PFKL: variants seen among roughly 807,000 people sequenced by gnomAD.
The protein encoded by PFKL is phosphofructokinase, liver type.
A neutral mutation model predicts 92.1 loss-of-function variants in PFKL; 74 were observed. The observed-to-expected ratio is 0.80, with a 90% CI of 0.67 to 0.97. PFKL has a LOEUF of 0.97. PFKL is among the 50% of genes least tolerant of loss of function. PFKL has a pLI of 0.00. For missense variants in PFKL, 1,028 were observed against 1,116.6 expected, an observed-to-expected ratio of 0.92 and a Z score of 1.13; for synonymous variants, 494 against 456.4, an observed-to-expected ratio of 1.08 and a Z score of -1.05.
chr21:44,322,066 G>A, intron 13 of PFKL, 67 bp from the exon 14 acceptor site: 1 of 1,534,406 alleles, frequency 6.5e-7, no homozygotes. Context: ...CCGGGCACAG[G>A]CCCACCCCTG....
intron 11 of PFKL, 145 bp from the exon 12 acceptor site, chr21:44,319,939 C>A: frequency 1.4e-6 from 1 of 692,946 alleles, no homozygotes; most frequent in Admixed American, 2.1e-5. Context: ...CCCTGCCTGG[C>A]ATGCGCGGTG....
At chr21:44,310,528 C>T (rs2041085577) in intron 2 of PFKL, among the ~76,000 whole-genome samples, 1 of 152,218 alleles carries the variant, frequency 6.6e-6, no homozygotes, top group Non-Finnish European at 1.5e-5. Flanking sequence ...GGCCGCCACA[C>T]AGCAAGAGCA....
chr21:44,314,808 A>G (rs564622729), intron 7 of PFKL: 1 of 152,346 alleles, frequency 6.6e-6, no homozygotes, highest in East Asian at 1.9e-4. Context: ...TCCTTCGCCC[A>G]CACCCGACCA....
At chr21:44,306,271 C>A (rs1459363788) in intron 1 of PFKL, among the ~76,000 whole-genome samples, 2 of 152,166 alleles carry the variant, frequency 1.3e-5, no homozygotes, top group Non-Finnish European at 2.9e-5. Context: ...GTTCGGGACA[C>A]CCACACATGC....
At chr21:44,319,506 C>A in intron 11 of PFKL, 91 bp downstream of exon 11, 1 of 1,082,426 alleles carries the variant, frequency 9.2e-7, no homozygotes, top group Non-Finnish European at 1.4e-6. Context: ...CACGCCTGGC[C>A]TGGGTCATCC....
intron 3 of PFKL, 40 bp downstream of exon 3, chr21:44,311,123 C>T (rs554945102): frequency 5.3e-6 from 8 of 1,516,126 alleles, no homozygotes; most frequent in African/African-American, 4.1e-5. Context: ...CACTTGGACT[C>T]GCAGACAGAC....
intron 19 of PFKL, 74 bp from the exon 20 acceptor site, chr21:44,325,887 C>G: frequency 3.7e-6 from 4 of 1,085,548 alleles, no homozygotes; most frequent in Non-Finnish European, 5.5e-6. Flanking sequence ...CGTGGGGATC[C>G]TGTCTGCACT....
intron 9 of PFKL, among the ~76,000 whole-genome samples, chr21:44,318,137 G>A (rs916522959): frequency 3.3e-5 from 5 of 152,384 alleles, no homozygotes; most frequent in Non-Finnish European, 5.9e-5. Context: ...CCATCGCAGC[G>A]GATGGGGCCC....
At chr21:44,308,149 G>A (rs1190906082) in intron 2 of PFKL, among the ~76,000 whole-genome samples, 5 of 152,130 alleles carry the variant, frequency 3.3e-5, no homozygotes, top group East Asian at 3.9e-4. Context: ...GGGTGGGCGC[G>A]GGTCCTGGGG....
At chr21:44,302,187 A>T (rs936477162) in intron 1 of PFKL, among the ~76,000 whole-genome samples, 1 of 152,214 alleles carries the variant, frequency 6.6e-6, no homozygotes, top group African/African-American at 2.4e-5. Context: ...CTGCTGGCCG[A>T]TCATGGCATC....
chr21:44,306,624 G>GT (rs2040954911), intron 1 of PFKL, 57 bp from the exon 2 acceptor site: 1 of 1,495,608 alleles, frequency 6.7e-7, no homozygotes, highest in Non-Finnish European at 9.2e-7. Context: ...GATGGGGAGG[G>GT]TGTCCAGGGC....
chr21:44,322,734 C>T (rs2047389228), intron 14 of PFKL, among the ~76,000 whole-genome samples: 1 of 152,198 alleles, frequency 6.6e-6, no homozygotes, highest in Non-Finnish European at 1.5e-5. Context: ...GTGGGGGGTT[C>T]ACTCGGTTGC....
chr21:44,312,246 A>G lies in PFKL; in HGVS notation c.379A>G (p.Ile127Val). 2 of 1,599,464 alleles carry G rather than the reference A, an allele frequency of 1.3e-6. No homozygotes were observed. Among genetic ancestry groups the G allele is most frequent in the Non-Finnish European group, 1.7e-6 (2 of 1,173,920 alleles). Residue 127 changes from isoleucine (I) to valine (V), a missense_variant, in exon 4 of 22, where the codon ATC (isoleucine) becomes GTC (valine). Coordinates refer to ENST00000349048, the MANE Select transcript of PFKL (RefSeq NM_002626.6). ...GGATGGCAGCCTCACAGGTGCCAAC[A>G]TCTTCCGCAGCGAGTGGGGCAGCCT... ...GGDGSLTGAN[I>V]FRSEWGSLLE...
intron 5 of PFKL, 43 bp downstream of exon 5, chr21:44,313,186 C>T (rs201837834): frequency 2.5e-6 from 4 of 1,603,836 alleles, no homozygotes; most frequent in African/African-American, 2.7e-5. Context: ...GGCCCCTCCT[C>T]CCCGCACGGT....
chr21:44,302,071 C>T (rs2040790812), intron 1 of PFKL, among the ~76,000 whole-genome samples: 1 of 152,226 alleles, frequency 6.6e-6, no homozygotes, highest in South Asian at 2.1e-4. Flanking sequence ...GTGGGCCTCC[C>T]ATCTCTGTCT....
intron 19 of PFKL, 193 bp downstream of exon 19, chr21:44,325,457 C>T (rs907220768): frequency 6.8e-6 from 4 of 591,096 alleles, no homozygotes; most frequent in African/African-American, 5.7e-5. Context: ...AGGGGTGGGG[C>T]TGGGGCTGGA....
chr21:44,301,327 G>A (rs1182576365), intron 1 of PFKL, among the ~76,000 whole-genome samples: 1 of 152,220 alleles, frequency 6.6e-6, no homozygotes, highest in Non-Finnish European at 1.5e-5. Context: ...TGTGGCAAGA[G>A]CGGGAGCTGC....
At position 44,324,526 on chromosome 21, in the gene PFKL, C is replaced by T; in HGVS notation, c.1686C>T (p.Thr562=). 6.2e-7 allele frequency: 1 copy of T among 1,613,418 alleles called. No homozygotes were observed. The highest frequency in any genetic ancestry group is 1.7e-4 in the Middle Eastern group (1 of 6,058). Residue 562 remains threonine (T), a synonymous_variant, in exon 17 of 22, where the codon ACC becomes ACT. Transcript: ENST00000349048. ...GCATCAAACAGTCTGCCTCGGGGAC[C>T]AAGCGCCGTGTGTTCATCGTGGAGA... ...CDRIKQSASG[T]KRRVFIVETM...
Position 44,324,665 on chromosome 21 carries a change from G to C in PFKL, c.1815+10G>C, listed in dbSNP as rs1351179681. 1.9e-6 allele frequency: 3 copies of C among 1,573,944 alleles called. No individual in the cohort carries two copies. The highest frequency in any genetic ancestry group is 1.3e-5 in the African/African-American group (1 of 74,346). On this transcript the variant is annotated intron_variant, in intron 17 of 21. Coordinates refer to ENST00000349048, the MANE Select transcript of PFKL (RefSeq NM_002626.6). The stretch of plus-strand genomic sequence containing the variant: ...CATCCACGACTTAAAGGTGAGCCCA[G>C]CCCAGCCCCTGCTGCGGCAGACCTG...
Sources: gnomAD v4.1 joint callset for allele counts (sites outside exome capture counted in the v4.1 genomes callset) on GRCh38, gnomAD v4.1.1 for gene constraint, MANE v1.5 for transcripts, NCBI Gene and HGNC (gene_info 2026-07-23, HGNC 2026-07-21) for gene names.